The following WAC variants were observed in gnomAD, a reference collection of about 807,000 sequenced individuals.
WAC encodes the protein WW domain-containing adapter protein with coiled-coil.
Under a neutral mutation model 79.6 loss-of-function variants are expected in WAC, and 11 were observed. The ratio of observed to expected loss-of-function variants is 0.14; its 90% CI spans 0.09 to 0.23. WAC has a LOEUF of 0.23. Ranked by LOEUF, WAC falls within the 10% of genes least tolerant of loss-of-function variation. WAC has a pLI of 1.00. For missense variants in WAC, 728 were observed against 773.5 expected, an observed-to-expected ratio of 0.94 and a Z score of 0.70; for synonymous variants, 304 against 276.9, an observed-to-expected ratio of 1.10 and a Z score of -0.97.
intron 2 of WAC, chr10:28,535,332 T>G (rs1235026281): frequency 5.6e-6 from 2 of 359,828 alleles, no homozygotes; most frequent in East Asian, 9.4e-5. Context: ...GATAATGGAG[T>G]GGGTTTTTTT....
At chr10:28,563,541 G>A (rs916227365) in intron 3 of WAC, among the ~76,000 whole-genome samples, 8 of 151,900 alleles carry the variant, frequency 5.3e-5, no homozygotes, top group Admixed American at 6.6e-5. Flanking sequence ...TTTAATGATA[G>A]CAACACAAGA....
At chr10:28,542,156 C>T (rs527288668) in intron 3 of WAC, among the ~76,000 whole-genome samples, 1 of 152,194 alleles carries the variant, frequency 6.6e-6, no homozygotes, top group African/African-American at 2.4e-5. Flanking sequence ...CTTTATGTTT[C>T]TCCTACTGTG....
At chr10:28,613,264 G>A (rs1046012109) in intron 10 of WAC, among the ~76,000 whole-genome samples, 1 of 152,180 alleles carries the variant, frequency 6.6e-6, no homozygotes, top group East Asian at 1.9e-4. Context: ...CTACTCGGGC[G>A]GCTGAGGCAT....
chr10:28,563,794 G>A lies in WAC; in HGVS notation c.275-19605G>A, dbSNP rs371507276. ...TTTTTGTATTTTTAGTAGAGACGGG[G>A]TTTCAACATGTTGGCCAGGATGGTC... On this transcript the variant is annotated intron_variant, in intron 3 of 13. Transcript: ENST00000354911. Among the ~76,000 whole-genome samples, 12 of 134,054 alleles carry A rather than the reference G, an allele frequency of 9.0e-5. No homozygotes were observed. In the East Asian group the frequency reaches 2.0e-3, roughly 23 times the overall value. 87.9% of individuals were successfully genotyped at this position (134,054 alleles called of 152,430 possible).
Position 28,611,873 on chromosome 10 carries a change from T to C in WAC, c.1388T>C (p.Val463Ala), listed in dbSNP as rs1314654571. 1 of 1,614,008 alleles carries C rather than the reference T, an allele frequency of 6.2e-7. No individual in the cohort carries two copies. The highest frequency in any genetic ancestry group is 2.2e-5 in the East Asian group (1 of 44,876). Residue 463 changes from valine (V) to alanine (A), a missense_variant, in exon 10 of 14, where the codon GTC becomes GCC. Physicochemically the swap from Val to Ala is moderately conservative, Grantham distance 64. Coordinates refer to ENST00000354911, the MANE Select transcript of WAC (RefSeq NM_016628.5). ...PRISTPQTNT[V>A]PIKPLISTPP... ...ATAAGCACACCTCAAACTAACACAG[T>C]CCCTATCAAACCTTTGATCAGTACT...
At chr10:28,617,439 A>G (rs1360921714) in intron 12 of WAC, among the ~76,000 whole-genome samples, 1 of 152,222 alleles carries the variant, frequency 6.6e-6, no homozygotes, top group Non-Finnish European at 1.5e-5. Context: ...ATTTTCTCCA[A>G]CTTAGAAGAG....
chr10:28,593,928 T>C (rs890002378), intron 6 of WAC, among the ~76,000 whole-genome samples: 1 of 152,132 alleles, frequency 6.6e-6, no homozygotes, highest in African/African-American at 2.4e-5. Context: ...CTAATGACAC[T>C]TTGGGTGAAG....
At chr10:28,579,143 C>T (rs1040870397) in intron 3 of WAC, among the ~76,000 whole-genome samples, 2 of 151,746 alleles carry the variant, frequency 1.3e-5, no homozygotes, top group African/African-American at 4.8e-5. Flanking sequence ...ATCCCACTTA[C>T]TCACTGATAC....
chr10:28,536,757 G>A (rs1413408940), intron 3 of WAC, among the ~76,000 whole-genome samples: 1 of 152,136 alleles, frequency 6.6e-6, no homozygotes, highest in Non-Finnish European at 1.5e-5. Flanking sequence ...GACTTAATTT[G>A]CCCGAATTAC....
At chr10:28,569,469 G>A (rs1838830335) in intron 3 of WAC, among the ~76,000 whole-genome samples, 1 of 152,150 alleles carries the variant, frequency 6.6e-6, no homozygotes, top group Non-Finnish European at 1.5e-5. Context: ...TGATTATTCA[G>A]CCATTTTGTA....
At chr10:28,609,366 A>G (rs1441101028) in intron 8 of WAC, among the ~76,000 whole-genome samples, 3 of 152,234 alleles carry the variant, frequency 2.0e-5, no homozygotes, top group Non-Finnish European at 4.4e-5. Flanking sequence ...CCATCTCAAA[A>G]TAAATAAAAA....
intron 6 of WAC, among the ~76,000 whole-genome samples, chr10:28,594,220 G>A (rs1840239284): frequency 6.6e-6 from 1 of 151,958 alleles, no homozygotes; most frequent in African/African-American, 2.4e-5. Flanking sequence ...ATTTTCATTG[G>A]AGTACATACG....
At chr10:28,604,242 T>G (rs1302295250) in intron 7 of WAC, among the ~76,000 whole-genome samples, 1 of 151,334 alleles carries the variant, frequency 6.6e-6, no homozygotes, top group African/African-American at 2.4e-5. Flanking sequence ...TCAGGTGTTT[T>G]TTTTTTTTTT....
chr10:28,603,478 C>T (rs1405626125), intron 7 of WAC, among the ~76,000 whole-genome samples: 1 of 152,240 alleles, frequency 6.6e-6, no homozygotes, highest in Non-Finnish European at 1.5e-5. Context: ...CATTCTCTCA[C>T]GTAAATTCAT....
chr10:28,535,376 T>C (rs977400673), intron 2 of WAC, 186 bp from the exon 3 acceptor site: 18 of 552,718 alleles, frequency 3.3e-5, no homozygotes, highest in African/African-American at 1.2e-4. Flanking sequence ...AGGAGTCTTA[T>C]TGTAACGCTT....
At chr10:28,607,059 A>G (rs1401119576) in intron 7 of WAC, among the ~76,000 whole-genome samples, 1 of 152,172 alleles carries the variant, frequency 6.6e-6, no homozygotes, top group Non-Finnish European at 1.5e-5. Flanking sequence ...TAGGCATTCA[A>G]GTTCCTTCTT....
rs1210316917 is a variant in WAC, at chr10:28,617,634, TTTC to T, written c.1747-19_1747-17del. 6 of 1,534,846 alleles carry T rather than the reference TTTC, an allele frequency of 3.9e-6. No individual in the cohort carries two copies. The highest frequency in any genetic ancestry group is 2.4e-5 in the Admixed American group (1 of 40,892). On this transcript the variant is annotated intron_variant, in intron 12 of 13. Coordinates refer to ENST00000354911, the MANE Select transcript of WAC (RefSeq NM_016628.5). ...GTATGTTAATGTTTATATTTTATGT[TTTC>T]TTCATTTCTTTAATTACAGGCATCA...
At position 28,617,801 on chromosome 10, in the gene WAC, A is replaced by T; in HGVS notation, c.1874+17A>T. ...AGAGCAAAGGTAAGTCTTTCACTGA[A>T]ATATATTTTTATGTTTCTCAGGATT... On this transcript the variant is annotated intron_variant, in intron 13 of 13. Coordinates refer to ENST00000354911, the MANE Select transcript of WAC (RefSeq NM_016628.5). 6.4e-7 allele frequency: 1 copy of T among 1,566,314 alleles called. No homozygotes were observed. Among genetic ancestry groups the T allele is most frequent in the Non-Finnish European group, 8.6e-7 (1 of 1,165,530 alleles).
At chr10:28,572,345 A>G (rs1839019804) in intron 3 of WAC, among the ~76,000 whole-genome samples, 1 of 151,722 alleles carries the variant, frequency 6.6e-6, no homozygotes, top group South Asian at 2.1e-4. Context: ...TCCAAAAAAA[A>G]AAAAAAAAAG....
Sources: gnomAD v4.1 joint callset for allele counts (sites outside exome capture counted in the v4.1 genomes callset) on GRCh38, gnomAD v4.1.1 for gene constraint, MANE v1.5 for transcripts, NCBI Gene and HGNC (gene_info 2026-07-23, HGNC 2026-07-21) for gene names.